Variants in MAP3K7 observed in about 807,000 individuals in gnomAD.
MAP3K7 encodes TGF-beta activated kinase 1.
A neutral mutation model predicts 84.8 loss-of-function variants in MAP3K7; 21 were observed. That is an observed-to-expected ratio of 0.25 (90% CI 0.18 to 0.36). The LOEUF is 0.36. MAP3K7 is among the 10% of genes least tolerant of loss of function. The probability of loss-of-function intolerance (pLI) is 1.00; values close to 1 mark genes in which losing one functional copy is unlikely to be tolerated. For synonymous variants in MAP3K7, 241 were observed against 247.7 expected, an observed-to-expected ratio of 0.97 and a Z score of 0.25; for missense variants, 503 against 747.7, an observed-to-expected ratio of 0.67 and a Z score of 3.82.
Position 90,516,577 on chromosome 6 carries a change from G to T in MAP3K7, c.1745C>A (p.Ser582Tyr). Reference sequence around the variant, plus strand: ...TTTTTTGCATTGCTGGTAGTAAGTAGAAAGGCTTTTGTTTTCATCTAAAAG... The same window carrying T: ...TTTTTTGCATTGCTGGTAGTAAGTATAAAGGCTTTTGTTTTCATCTAAAAG... ...KKLLDENKSL[S>Y]TYYQQCKKQL... Residue 582 changes from serine (S) to tyrosine (Y), a missense_variant, in exon 17 of 17, where the codon TCT becomes TAT. Ser to Tyr is a moderately radical substitution (Grantham distance 144). Transcript: ENST00000369329. 1 of 1,612,690 alleles carries T rather than the reference G, an allele frequency of 6.2e-7. No homozygotes were observed. The highest frequency in any genetic ancestry group is 8.5e-7 in the Non-Finnish European group (1 of 1,179,100).
At chr6:90,538,225 T>C (rs1775740769) in intron 12 of MAP3K7, among the ~76,000 whole-genome samples, 1 of 151,878 alleles carries the variant, frequency 6.6e-6, no homozygotes, top group African/African-American at 2.4e-5. Context: ...AACAAATACT[T>C]GTTGCTCCAA....
chr6:90,550,566 A>T lies in MAP3K7; in HGVS notation c.868-17T>A, dbSNP rs745706611. The T allele has an allele frequency of 6.7e-6, 10 of 1,489,866 alleles. 1 individual carries two copies. The Middle Eastern group carries it at 6.9e-4, about 103-fold the overall frequency. The allele number at this position is 1,489,866 out of a possible 1,614,324, so 92.3% of individuals were successfully genotyped here. A position where few individuals can be genotyped will look rare whatever the true frequency, so the allele number is the denominator to read the frequency against. On this transcript the variant is annotated splice_polypyrimidine_tract_variant and intron_variant, in intron 8 of 16. Transcript: ENST00000369329. ...TGGAAAGTACTATATATAAAAAAGT[A>T]AACCACAGCTTAAAATTTCCTTAAT...
At chr6:90,520,530 A>G (rs1316672847) in intron 14 of MAP3K7, among the ~76,000 whole-genome samples, 1 of 152,054 alleles carries the variant, frequency 6.6e-6, no homozygotes, top group Non-Finnish European at 1.5e-5. Flanking sequence ...CACTCAATAC[A>G]TGACGGTAGT....
At chr6:90,576,284 G>A (rs1327517886) in intron 1 of MAP3K7, among the ~76,000 whole-genome samples, 8 of 151,944 alleles carry the variant, frequency 5.3e-5, no homozygotes, top group Admixed American at 2.0e-4. Context: ...TTAACGGGGC[G>A]TGGTGGCAGG....
chr6:90,574,004 A>T (rs1776989468), intron 1 of MAP3K7, among the ~76,000 whole-genome samples: 1 of 152,358 alleles, frequency 6.6e-6, no homozygotes, highest in African/African-American at 2.4e-5. Context: ...TGGTACCATT[A>T]GAATAAATGA....
At chr6:90,586,270 G>A (rs1477625222) in intron 1 of MAP3K7, among the ~76,000 whole-genome samples, 1 of 150,952 alleles carries the variant, frequency 6.6e-6, no homozygotes, top group African/African-American at 2.4e-5. Context: ...TACTCGGGAG[G>A]CTGAGGCAGG....
chr6:90,575,021 C>G (rs1377617128), intron 1 of MAP3K7, among the ~76,000 whole-genome samples: 1 of 152,092 alleles, frequency 6.6e-6, no homozygotes, highest in Non-Finnish European at 1.5e-5. Flanking sequence ...CAAGGTTGTA[C>G]TGACCTGAAA....
chr6:90,528,548 T>C (rs950211238), intron 13 of MAP3K7, among the ~76,000 whole-genome samples: 3 of 152,186 alleles, frequency 2.0e-5, no homozygotes, highest in Non-Finnish European at 4.4e-5. Flanking sequence ...AAAGCCACAA[T>C]GGATTCAGGA....
intron 1 of MAP3K7, among the ~76,000 whole-genome samples, chr6:90,582,678 C>T (rs1720896524): frequency 3.9e-5 from 6 of 152,184 alleles, no homozygotes; most frequent in Admixed American, 3.9e-4. Context: ...TCACTTTATT[C>T]AAAACCTAGT....
chr6:90,538,426 T>C (rs570355333), intron 12 of MAP3K7, among the ~76,000 whole-genome samples: 1 of 152,050 alleles, frequency 6.6e-6, no homozygotes, highest in East Asian at 1.9e-4. Flanking sequence ...ATACCTATAT[T>C]ATACATGGTA....
chr6:90,542,255 A>G (rs538812392), intron 12 of MAP3K7: 1 of 984,360 alleles, frequency 1.0e-6, no homozygotes, highest in African/African-American at 1.7e-5. Flanking sequence ...ATTACCTATG[A>G]GCACATTCAT....
At chr6:90,568,308 C>T (rs1322661060) in intron 3 of MAP3K7, among the ~76,000 whole-genome samples, 4 of 150,932 alleles carry the variant, frequency 2.7e-5, no homozygotes, top group Non-Finnish European at 4.4e-5. Context: ...GTGCTGTATT[C>T]TCACTATTTA....
chr6:90,573,141 A>T (rs1776960415), intron 1 of MAP3K7, among the ~76,000 whole-genome samples: 1 of 152,190 alleles, frequency 6.6e-6, no homozygotes, highest in Non-Finnish European at 1.5e-5. Flanking sequence ...AAAGAAGTAA[A>T]ACTTGCCCAA....
intron 4 of MAP3K7, among the ~76,000 whole-genome samples, chr6:90,560,889 C>T (rs1028485065): frequency 8.6e-5 from 13 of 151,680 alleles, no homozygotes; most frequent in Non-Finnish European, 1.5e-4. Flanking sequence ...GAGAACAGTA[C>T]AGAAAGAAAC....
Position 90,571,697 on chromosome 6 carries a change from C to A in MAP3K7, c.231G>T (p.Glu77Asp). ...SESERKAFIV[E>D]LRQLSRVNHP... ...CAAAAGAAATGAAATCTCAACTTAC[C>A]TCTACAATAAACGCTTTCCTCTCAG... Residue 77 changes from glutamate (E) to aspartate (D), a missense_variant and splice_region_variant, in exon 2 of 17, where the codon GAG becomes GAT. Glu to Asp is a conservative substitution (Grantham distance 45). Transcript: ENST00000369329. 1 of 1,556,800 alleles carries A rather than the reference C, an allele frequency of 6.4e-7. No homozygotes were observed. The highest frequency in any genetic ancestry group is 1.2e-5 in the South Asian group (1 of 85,514).
chr6:90,550,318 G>T, intron 9 of MAP3K7, 150 bp downstream of exon 9: 1 of 514,202 alleles, frequency 1.9e-6, no homozygotes, highest in Non-Finnish European at 3.4e-6. Flanking sequence ...GAAGAATGAC[G>T]CACCTGTAAA....
At chr6:90,524,340 CA>C (rs1775252416) in intron 13 of MAP3K7, among the ~76,000 whole-genome samples, 1 of 152,098 alleles carries the variant, frequency 6.6e-6, no homozygotes, top group Non-Finnish European at 1.5e-5. Context: ...TGTGAATCCA[CA>C]AAAAATTTCC....
At chr6:90,550,333 A>T (rs1450542167) in intron 9 of MAP3K7, 135 bp downstream of exon 9, 7 of 572,298 alleles carry the variant, frequency 1.2e-5, no homozygotes, top group African/African-American at 1.1e-4. Context: ...TGTAAACTCA[A>T]ATTGCAGTCA....
rs894783858 is a variant in MAP3K7 at position 90,514,903 on chromosome 6, T to C, written c.*1598A>G. The C allele has an allele frequency of 2.0e-5, 3 of 152,060 alleles. No individual in the cohort carries two copies. The highest frequency in any genetic ancestry group is 7.2e-5 in the African/African-American group (3 of 41,450). The allele number at this position is 152,060 out of a possible 1,614,324, so 9.4% of individuals were successfully genotyped here. On this transcript the variant is annotated 3_prime_UTR_variant, in exon 17 of 17. Coordinates refer to ENST00000369329, the MANE Select transcript of MAP3K7 (RefSeq NM_145331.3). ...TAAATTAAATGACAGAAGACATTTA[T>C]TTCCAGGAAGCTTTCTAAAATAGCT... is the stretch of plus-strand genomic sequence containing the variant.
Sources: allele counts gnomAD v4.1 joint callset (sites outside exome capture counted in the v4.1 genomes callset), GRCh38; gene constraint gnomAD v4.1.1; transcripts MANE v1.5; gene names NCBI Gene and HGNC (gene_info 2026-07-23, HGNC 2026-07-21).